Variants in CACNA1A observed in about 807,000 individuals in gnomAD.
The protein encoded by CACNA1A is calcium voltage-gated channel subunit alpha1 A, also known as voltage-dependent P/Q-type calcium channel subunit alpha-1A.
CACNA1A carries 57 observed loss-of-function variants against 262.4 expected under a neutral mutation model. The ratio of observed to expected loss-of-function variants is 0.22; its 90% CI spans 0.18 to 0.27. The LOEUF (loss-of-function observed/expected upper bound fraction) is 0.27, where lower values mean the gene tolerates loss of function less well. CACNA1A is among the 10% of genes least tolerant of loss of function. The probability of loss-of-function intolerance (pLI) is 1.00; values close to 1 mark genes in which losing one functional copy is unlikely to be tolerated. For synonymous variants in CACNA1A, 1,431 were observed against 1,419.3 expected, an observed-to-expected ratio of 1.01 and a Z score of -0.18; for missense variants, 2,526 against 3,562.8, an observed-to-expected ratio of 0.71 and a Z score of 7.41.
At chr19:13,345,566 C>T (rs891623714) in intron 6 of CACNA1A, among the ~76,000 whole-genome samples, 4 of 152,022 alleles carry the variant, frequency 2.6e-5, no homozygotes, top group Admixed American at 2.0e-4. Context: ...GTTTATTTTC[C>T]TCTAATTTTT....
chr19:13,346,635 TATATATATATATATATATATATATATA>T (rs1568557071), intron 6 of CACNA1A, among the ~76,000 whole-genome samples: 29 of 4,512 alleles, frequency 6.4e-3, no homozygotes, highest in African/African-American at 9.4e-3. Context: ...TATATATATA[TATATATATATATATATATATATATATA>T]TATATTTTTT....
intron 6 of CACNA1A, among the ~76,000 whole-genome samples, chr19:13,341,198 C>T (rs1363556328): frequency 2.6e-5 from 4 of 152,154 alleles, no homozygotes; most frequent in Admixed American, 1.3e-4. Flanking sequence ...CAGGGTGATA[C>T]GTCTACAAGA....
chr19:13,364,314 T>A (rs1189409372), intron 5 of CACNA1A: 1 of 152,260 alleles, frequency 6.6e-6, no homozygotes, highest in African/African-American at 2.4e-5. Context: ...CTATAATAAA[T>A]GAGAACTATC....
chr19:13,329,822 C>T, intron 10 of CACNA1A, among the ~76,000 whole-genome samples: 1 of 148,588 alleles, frequency 6.7e-6, no homozygotes. Flanking sequence ...AGTGCAGTAA[C>T]ACAATAATGG....
Position 13,455,200 on chromosome 19 carries a change from A to G in CACNA1A, c.306T>C (p.Tyr102=). ...KKITEWPPFE[Y]MILATIIANC... ...TCGCTATGATGGTGGCTAAAATCAT[A>G]TATTCAAAGGGAGTATTGGGGAATT... The change falls in exon 2 of 47, where the codon TAT becomes TAC. Residue 102 remains tyrosine (Y), a synonymous_variant. Coordinates refer to ENST00000360228, the MANE Select transcript of CACNA1A (RefSeq NM_001127222.2). The G allele has an allele frequency of 6.2e-7, 1 of 1,604,700 alleles. No individual in the cohort carries two copies.
intron 22 of CACNA1A, among the ~76,000 whole-genome samples, chr19:13,280,759 T>C (rs975076214): frequency 2.0e-5 from 3 of 151,678 alleles, no homozygotes; most frequent in South Asian, 2.1e-4. Context: ...TGGCTGATAG[T>C]GTGAAACCCC....
chr19:13,407,975 CT>C (rs2060042958), intron 3 of CACNA1A, among the ~76,000 whole-genome samples: 1 of 151,808 alleles, frequency 6.6e-6, no homozygotes, highest in South Asian at 2.1e-4. Flanking sequence ...CACTCCCCCC[CT>C]CACTCTCTCT....
chr19:13,476,604 G>C (rs186369845), intron 1 of CACNA1A, among the ~76,000 whole-genome samples: 1 of 152,128 alleles, frequency 6.6e-6, no homozygotes, highest in African/African-American at 2.4e-5. Flanking sequence ...TCCTTTAGGG[G>C]GGATGAAATG....
intron 31 of CACNA1A, among the ~76,000 whole-genome samples, chr19:13,243,224 A>G (rs1179991657): frequency 6.6e-6 from 1 of 152,206 alleles, no homozygotes; most frequent in Admixed American, 6.5e-5. Context: ...GAGAGCCCCC[A>G]TGTGGGCAAG....
Position 13,268,277 on chromosome 19 carries a change from G to A in CACNA1A, c.3990-5444C>T, listed in dbSNP as rs182753783. ...TCAGCACCTAGCAGCTGGTCCTCTC[G>A]TGATTCATTGGAATCAGGCTTGGGG... On this transcript the variant is annotated intron_variant, in intron 24 of 46. Coordinates refer to ENST00000360228, the MANE Select transcript of CACNA1A (RefSeq NM_001127222.2). 1.1e-3 allele frequency among the ~76,000 whole-genome samples: 168 copies of A among 152,182 alleles called. 3 individuals carry two copies. The highest frequency in any genetic ancestry group is 0.011 in the Admixed American group (162 of 15,286).
chr19:13,326,496 T>G (rs1369907538), intron 10 of CACNA1A, among the ~76,000 whole-genome samples: 2 of 152,018 alleles, frequency 1.3e-5, no homozygotes, highest in Non-Finnish European at 2.9e-5. Context: ...TATATAAGAC[T>G]GCATGTGGGC....
intron 3 of CACNA1A, among the ~76,000 whole-genome samples, chr19:13,377,983 C>T (rs2059447323): frequency 6.6e-6 from 1 of 151,934 alleles, no homozygotes; most frequent in Non-Finnish European, 1.5e-5. Context: ...AAAAAACAAT[C>T]CACAACAAAC....
chr19:13,487,770 C>T lies in CACNA1A; in HGVS notation c.293+18162G>A, dbSNP rs1383784201. ...ATTCATGCTTATTACACAGGCACTG[C>T]TTACTATCAATCCAAGGCACTCGCT... On this transcript the variant is annotated intron_variant, in intron 1 of 46. Transcript: ENST00000360228. 2.0e-5 allele frequency among the ~76,000 whole-genome samples: 3 copies of T among 152,034 alleles called. No homozygotes were observed. In the East Asian group the frequency reaches 5.8e-4, roughly 29 times the overall value.
At position 13,385,226 on chromosome 19, in the gene CACNA1A, C is replaced by CTTT. The variant is rs200379554; in HGVS notation, c.540-13450_540-13448dup. ...GTAGGGCAGATATTTTCTATTCTTT[C>CTTT]TTTCTTTTTTTTTTTTTTTTTGAGA... On this transcript the variant is annotated intron_variant, in intron 3 of 46. Transcript: ENST00000360228. 2.4e-4 allele frequency among the ~76,000 whole-genome samples: 33 copies of CTTT among 137,570 alleles called. 4 individuals are homozygous for CTTT. Among genetic ancestry groups the CTTT allele is most frequent in the South Asian group, 2.3e-4 (1 of 4,354 alleles). The allele number at this position is 137,570 out of a possible 152,430, so 90.3% of individuals were successfully genotyped here. A position where few individuals can be genotyped will look rare whatever the true frequency, so the allele number is the denominator to read the frequency against.
chr19:13,317,379 C>T, intron 10 of CACNA1A, 58 bp from the exon 11 acceptor site: 1 of 1,410,742 alleles, frequency 7.1e-7, no homozygotes, highest in Non-Finnish European at 9.8e-7. Flanking sequence ...AAGAAATTAA[C>T]CAATGTGCAG....
intron 3 of CACNA1A, among the ~76,000 whole-genome samples, chr19:13,443,029 C>T (rs1322223865): frequency 6.6e-6 from 1 of 151,678 alleles, no homozygotes; most frequent in African/African-American, 2.4e-5. Flanking sequence ...TTCCAAAACT[C>T]ATGTTGAAAT....
At chr19:13,408,895 G>A (rs62111207) in intron 3 of CACNA1A, among the ~76,000 whole-genome samples, 18,687 of 152,160 alleles carry the variant, frequency 0.12, 1,681 homozygotes, top group East Asian at 0.33. Flanking sequence ...CTGAAGAGTG[G>A]GGTGGGAGGC....
chr19:13,261,827 A>G (rs1226708823), intron 25 of CACNA1A: 5 of 534,548 alleles, frequency 9.4e-6, no homozygotes, highest in East Asian at 6.1e-5. Context: ...AAACTCCCAG[A>G]TGGGATACCA....
chr19:13,298,850 G>A lies in CACNA1A; in HGVS notation c.2783C>T (p.Pro928Leu), dbSNP rs754998423. ...GEAERGKAGD[P>L]HRRHVHRQGG... is the part of the protein sequence containing the mutation. Reference sequence around the variant, plus strand: ...CTGCCGGTGCACGTGCCTCCGGTGGGGGTCCCCGGCCTTGCCTCGCTCGGC... The same window carrying A: ...CTGCCGGTGCACGTGCCTCCGGTGGAGGTCCCCGGCCTTGCCTCGCTCGGC... The change falls in exon 19 of 47, where the codon CCC becomes CTC. Residue 928 changes from proline (P) to leucine (L), a missense_variant. Coordinates refer to ENST00000360228, the MANE Select transcript of CACNA1A (RefSeq NM_001127222.2). 20 of 1,585,130 alleles carry A rather than the reference G, an allele frequency of 1.3e-5. No individual in the cohort carries two copies. In the African/African-American group the frequency reaches 2.3e-4, roughly 18 times the overall value.
Sources: gnomAD v4.1 joint callset for allele counts (sites outside exome capture counted in the v4.1 genomes callset) on GRCh38, gnomAD v4.1.1 for gene constraint, MANE v1.5 for transcripts, NCBI Gene and HGNC (gene_info 2026-07-23, HGNC 2026-07-21) for gene names.